Variants in INPP5D observed in about 807,000 individuals in gnomAD.
INPP5D encodes phosphatidylinositol 3,4,5-trisphosphate 5-phosphatase 1.
A neutral mutation model predicts 122.9 loss-of-function variants in INPP5D; 33 were observed. The ratio of observed to expected loss-of-function variants is 0.27; its 90% CI spans 0.20 to 0.36. INPP5D has a LOEUF of 0.36. Among genes scored for constraint, INPP5D ranks in the 10% least tolerant of loss-of-function variants. The pLI, the probability that INPP5D is intolerant of heterozygous loss-of-function variation, is 1.00. For synonymous variants in INPP5D, 584 were observed against 576.2 expected (o/e 1.01, Z -0.19); for missense variants, 1,053 against 1,412.7 (o/e 0.75, Z 4.08).
chr2:233,198,483 C>T (rs1009073277), intron 25 of INPP5D, 107 bp downstream of exon 25: 75 of 1,451,536 alleles, frequency 5.2e-5, no homozygotes, highest in Admixed American at 1.1e-4. Flanking sequence ...CAATTTGTGT[C>T]CACTTGGCTC....
chr2:233,169,798 G>T (rs1194737529), intron 14 of INPP5D: 7 of 688,170 alleles, frequency 1.0e-5, no homozygotes, highest in Non-Finnish European at 1.7e-5. Flanking sequence ...GCTGCTCCTG[G>T]TCCCCTGCCC....
rs1694969533 is a variant in INPP5D, at chr2:233,188,304, C to T, written c.2359-1546C>T. On this transcript the variant is annotated intron_variant, in intron 21 of 26. Coordinates refer to ENST00000445964, the MANE Select transcript of INPP5D (RefSeq NM_001017915.3). The surrounding 1 kb of genome is among the most constrained non-coding windows in gnomAD (Gnocchi z 4.7). ...ACCCTGTAAATCCCTGCTGTGGCCC[C>T]CTAGATAGTTCTCCTCCCTGCCACC... is the stretch of plus-strand genomic sequence containing the variant. Among the ~76,000 whole-genome samples the T allele has an allele frequency of 6.6e-6, 1 of 152,062 alleles. No homozygotes were observed. Among genetic ancestry groups the T allele is most frequent in the African/African-American group, 2.4e-5 (1 of 41,398 alleles).
rs576727757 is a variant in INPP5D at position 233,100,917 on chromosome 2, C to T, written c.199-21190C>T. On this transcript the variant is annotated intron_variant, in intron 2 of 26. Transcript: ENST00000445964. The surrounding 1 kb of genome is among the most constrained non-coding windows in gnomAD (Gnocchi z 5.3). ...CTCAAAGAAGGCGGAAGCTTCCTGT[C>T]GTGGTCTGGCCCTTTGCCATCTTTC... 3.4e-5 allele frequency among the ~76,000 whole-genome samples: 5 copies of T among 148,432 alleles called. No individual in the cohort carries two copies. Among genetic ancestry groups the T allele is most frequent in the African/African-American group, 1.3e-4 (5 of 39,416 alleles).
Position 233,094,318 on chromosome 2 carries a change from G to A in INPP5D, c.198+14920G>A, listed in dbSNP as rs184167539. Among the ~76,000 whole-genome samples, 449 of 151,804 alleles carry A rather than the reference G, an allele frequency of 3.0e-3. 1 individual carries two copies. The highest frequency in any genetic ancestry group is 0.01 in the African/African-American group (423 of 41,382). On this transcript the variant is annotated intron_variant, in intron 2 of 26. Coordinates refer to ENST00000445964, the MANE Select transcript of INPP5D (RefSeq NM_001017915.3). ...ACTTGAGGTCAGGAGTTCGAGACCA[G>A]ACTGACCAACATGGTGAAACCCCGT...
chr2:233,206,954 C>A lies in INPP5D; in HGVS notation c.*246C>A. 2.0e-6 allele frequency: 1 copy of A among 494,718 alleles called. No individual in the cohort carries two copies. Among genetic ancestry groups the A allele is most frequent in the Non-Finnish European group, 3.6e-6 (1 of 274,110 alleles). 30.6% of individuals were successfully genotyped at this position (494,718 alleles called of 1,614,324 possible). Reference sequence around the variant, plus strand: ...CAACAAACAGTCTGGGTCCCCAGCTCGCTCTTGGTACTTGGGACCCCAGTG... The same window carrying A: ...CAACAAACAGTCTGGGTCCCCAGCTAGCTCTTGGTACTTGGGACCCCAGTG... On this transcript the variant is annotated 3_prime_UTR_variant, in exon 27 of 27. Transcript: ENST00000445964. The surrounding 1 kb of genome is among the most constrained non-coding windows in gnomAD (Gnocchi z 4.0).
rs562295505 is a variant in INPP5D at position 233,177,472 on chromosome 2, C to T, written c.2071+126C>T. ...GTCAAAGGGAGGAATTCACTGTAAC[C>T]CTAATCAGGCGACCTGGAAATGTTG... is the stretch of plus-strand genomic sequence containing the variant. On this transcript the variant is annotated intron_variant, in intron 18 of 26. Transcript: ENST00000445964. This position sits in a 1 kb window ranked among gnomAD's most constrained non-coding sequence, Gnocchi z 4.2. The T allele has an allele frequency of 2.7e-5, 40 of 1,476,036 alleles. No individual in the cohort carries two copies. The East Asian group carries it at 9.1e-4, about 34-fold the overall frequency. The allele number at this position is 1,476,036 out of a possible 1,614,324, so 91.4% of individuals were successfully genotyped here.
intron 2 of INPP5D, among the ~76,000 whole-genome samples, chr2:233,102,828 C>T (rs1479719078): frequency 1.0e-4 from 15 of 145,938 alleles, no homozygotes; most frequent in African/African-American, 2.9e-4. Flanking sequence ...CCAGCCTGGG[C>T]GACAGAGCAA....
intron 2 of INPP5D, among the ~76,000 whole-genome samples, chr2:233,084,115 C>T (rs1029499311): frequency 7.2e-5 from 11 of 152,150 alleles, no homozygotes; most frequent in Admixed American, 5.2e-4. Flanking sequence ...AGTGCAGTGG[C>T]GCGACCTCGG....
At chr2:233,087,073 T>C (rs1226539216) in intron 2 of INPP5D, among the ~76,000 whole-genome samples, 4 of 152,194 alleles carry the variant, frequency 2.6e-5, no homozygotes, top group Non-Finnish European at 5.9e-5. Flanking sequence ...ATTTCTTGCT[T>C]ATTGCAGGAT....
At chr2:233,127,854 C>T (rs1368975308) in intron 4 of INPP5D, among the ~76,000 whole-genome samples, 1 of 152,192 alleles carries the variant, frequency 6.6e-6, no homozygotes, top group East Asian at 1.9e-4. Flanking sequence ...GTGATCTGCC[C>T]GCCTCGACCT....
rs202026792 is a variant in INPP5D at position 233,122,119 on chromosome 2, G to A, written c.211G>A (p.Val71Ile). The stretch of plus-strand genomic sequence containing the variant: ...GTTCTGTCCTCAGGCATCCGAAGGC[G>A]TCTCCATGAGGTTCTTCACCAAGCT... Reference protein sequence around the residue: ...DKFTVQASEGVSMRFFTKLDQ... With the variant: ...DKFTVQASEGISMRFFTKLDQ... Residue 71 changes from valine (V) to isoleucine (I), a missense_variant, in exon 3 of 27, where the codon GTC becomes ATC. By Grantham distance (29) the Val-to-Ile change is conservative (BLOSUM62 3). Around this residue, in one of 6 missense-constraint regions of INPP5D, gnomAD observed 74 missense variants for 146.6 expected, o/e 0.50. Coordinates refer to ENST00000445964, the MANE Select transcript of INPP5D (RefSeq NM_001017915.3). 20 of 1,613,768 alleles carry A rather than the reference G, an allele frequency of 1.2e-5. No homozygotes were observed. Among genetic ancestry groups the A allele is most frequent in the East Asian group, 6.7e-5 (3 of 44,890 alleles).
intron 13 of INPP5D, chr2:233,168,908 A>G (rs777043722): frequency 4.8e-6 from 1 of 206,648 alleles, no homozygotes. Flanking sequence ...AGAAAAAGGT[A>G]TGATCTCAGT....
At chr2:233,148,152 A>G (rs1479277355) in intron 9 of INPP5D, among the ~76,000 whole-genome samples, 5 of 152,276 alleles carry the variant, frequency 3.3e-5, no homozygotes, top group Non-Finnish European at 5.9e-5. Context: ...AAATGCATAT[A>G]GAGAAGCTGC....
chr2:233,077,949 G>A (rs766775311), intron 1 of INPP5D, among the ~76,000 whole-genome samples: 2 of 152,100 alleles, frequency 1.3e-5, no homozygotes, highest in Non-Finnish European at 2.9e-5. Context: ...GGGGGTGAGT[G>A]TGTGGAGCTT....
intron 2 of INPP5D, among the ~76,000 whole-genome samples, chr2:233,108,777 T>C (rs945918635): frequency 6.6e-6 from 1 of 152,166 alleles, no homozygotes; most frequent in African/African-American, 2.4e-5. Context: ...TCCTTCCTCC[T>C]TTGCCAGGTC....
In INPP5D at chr2:233,082,036, G is replaced by A. The variant is rs1157655949; in HGVS notation, c.198+2638G>A. Among the ~76,000 whole-genome samples, 1 of 152,154 alleles carries A rather than the reference G, an allele frequency of 6.6e-6. No homozygotes were observed. Among genetic ancestry groups the A allele is most frequent in the Admixed American group, 6.5e-5 (1 of 15,280 alleles). On this transcript the variant is annotated intron_variant, in intron 2 of 26. Coordinates refer to ENST00000445964, the MANE Select transcript of INPP5D (RefSeq NM_001017915.3). The surrounding 1 kb of genome is among the most constrained non-coding windows in gnomAD (Gnocchi z 4.7). ...AGGTCTCCGCTTAGCCAGGACAGTG[G>A]GCGGGCAGCTTTCAGAGAAGATGGG... is the stretch of plus-strand genomic sequence containing the variant.
At chr2:233,141,569 T>C (rs1483458078) in intron 6 of INPP5D, 3 of 114,066 alleles carry the variant, frequency 2.6e-5, no homozygotes, top group Admixed American at 8.3e-5. Flanking sequence ...TCCATCTCCA[T>C]CTAAAACAGA....
chr2:233,149,303 G>A (rs746115481), intron 9 of INPP5D, among the ~76,000 whole-genome samples: 4 of 152,094 alleles, frequency 2.6e-5, no homozygotes, highest in Non-Finnish European at 5.9e-5. Flanking sequence ...GTTTCACCAT[G>A]TTGGTCAGTG....
Position 233,079,499 on chromosome 2 carries a change from G to A in INPP5D, c.198+101G>A, listed in dbSNP as rs559715151. ...GAAGGAAGTGCACGCGCAGGTAGCC[G>A]GACGTGAAGGCCTGGCTGAGCCTGG... On this transcript the variant is annotated intron_variant, in intron 2 of 26. Transcript: ENST00000445964. The A allele has an allele frequency of 2.5e-4, 195 of 789,594 alleles. 3 individuals are homozygous for A. Among genetic ancestry groups the A allele is most frequent in the South Asian group, 1.5e-3 (108 of 71,158 alleles). 48.9% of individuals were successfully genotyped at this position (789,594 alleles called of 1,614,324 possible).
Sources: gnomAD v4.1 joint callset for allele counts (sites outside exome capture counted in the v4.1 genomes callset) on GRCh38, gnomAD v4.1.1 for gene constraint, gnomAD v4.1.1 regional missense constraint, Gnocchi (gnomAD v3.1) non-coding constraint, MANE v1.5 for transcripts, NCBI Gene and HGNC (gene_info 2026-07-23, HGNC 2026-07-21) for gene names.